Variants in INPP5A observed in about 807,000 individuals in gnomAD.
INPP5A encodes the protein inositol polyphosphate-5-phosphatase A.
A neutral mutation model predicts 65.2 loss-of-function variants in INPP5A; 14 were observed. That is an observed-to-expected ratio of 0.21 (90% confidence interval 0.14 to 0.34). The LOEUF (loss-of-function observed/expected upper bound fraction) is 0.34, where lower values mean the gene tolerates loss of function less well. Ranked by LOEUF, INPP5A falls within the 10% of genes least tolerant of loss-of-function variation. The pLI, the probability that INPP5A is intolerant of heterozygous loss-of-function variation, is 1.00. For synonymous variants in INPP5A, 207 were observed against 208.3 expected, an observed-to-expected ratio of 0.99 and a Z score of 0.05; for missense variants, 431 against 545.6, an observed-to-expected ratio of 0.79 and a Z score of 2.09.
chr10:132,553,824 A>G (rs1369243563), intron 1 of INPP5A, among the ~76,000 whole-genome samples: 29 of 114,852 alleles, frequency 2.5e-4, no homozygotes, highest in South Asian at 9.2e-4. Context: ...AATATTGGGT[A>G]GGATAGGGAG....
At chr10:132,552,527 G>T (rs4880414) in intron 1 of INPP5A, among the ~76,000 whole-genome samples, 4 of 110,014 alleles carry the variant, frequency 3.6e-5, no homozygotes, top group East Asian at 4.0e-4. Context: ...ATTGGTGAAC[G>T]CCTTCTCAGA....
chr10:132,660,940 C>G (rs192482384), intron 4 of INPP5A, among the ~76,000 whole-genome samples: 2 of 152,290 alleles, frequency 1.3e-5, no homozygotes, highest in East Asian at 3.9e-4. Context: ...AAGCCTAAAA[C>G]TAGGGCAGTG....
chr10:132,731,430 C>A lies in INPP5A; in HGVS notation c.732+4525C>A, dbSNP rs561901821. On this transcript the variant is annotated intron_variant, in intron 9 of 15. Coordinates refer to ENST00000368594, the MANE Select transcript of INPP5A (RefSeq NM_005539.5). ...CTGCGTCCCTCCTGCGTATCAGACG[C>A]CCCTGGGAGTGACCGCGTCCCTGCC... Among the ~76,000 whole-genome samples, 42 of 151,446 alleles carry A rather than the reference C, an allele frequency of 2.8e-4. No homozygotes were observed. In the South Asian group the frequency reaches 8.0e-3, roughly 29 times the overall value.
intron 12 of INPP5A, among the ~76,000 whole-genome samples, chr10:132,776,523 T>G (rs1366095244): frequency 2.6e-5 from 4 of 152,152 alleles, no homozygotes; most frequent in Non-Finnish European, 2.9e-5. Flanking sequence ...CAGATCCCAG[T>G]CGCGACAGGT....
chr10:132,723,497 G>GTGTGGGGATTGGCCA (rs1564984348), intron 8 of INPP5A, among the ~76,000 whole-genome samples: 3 of 127,304 alleles, frequency 2.4e-5, no homozygotes, highest in African/African-American at 7.4e-5. Flanking sequence ...GGGATTGGCC[G>GTGTGGGGATTGGCCA]TGTGGGGATT....
rs1285513946 is a variant in INPP5A, at chr10:132,549,770, C to A, written c.75+11599C>A. 2.0e-5 allele frequency among the ~76,000 whole-genome samples: 3 copies of A among 152,260 alleles called. No homozygotes were observed. The highest frequency in any genetic ancestry group is 7.2e-5 in the African/African-American group (3 of 41,474). On this transcript the variant is annotated intron_variant, in intron 1 of 15. Transcript: ENST00000368594. The surrounding 1 kb of genome is among the most constrained non-coding windows in gnomAD (Gnocchi z 4.9). ...AGCCTGGGTTCCTGCAGCCCCCACTCTCTGCCCCTGGTCTGAATGGTGGGG... is the reference window on the plus strand; with the variant it reads ...AGCCTGGGTTCCTGCAGCCCCCACTATCTGCCCCTGGTCTGAATGGTGGGG...
At chr10:132,568,185 G>A (rs572316628) in intron 1 of INPP5A, among the ~76,000 whole-genome samples, 5 of 112,620 alleles carry the variant, frequency 4.4e-5, no homozygotes, top group Admixed American at 1.1e-4. Context: ...GCAAGACTCC[G>A]TCTCAAAAAA....
At chr10:132,759,278 G>A (rs1846687586) in intron 11 of INPP5A, among the ~76,000 whole-genome samples, 1 of 152,190 alleles carries the variant, frequency 6.6e-6, no homozygotes, top group African/African-American at 2.4e-5. Context: ...GGGGTAGTGA[G>A]GGGTCCTCAG....
rs550940832 is a variant in INPP5A, at chr10:132,556,637, C to T, written c.75+18466C>T. Among the ~76,000 whole-genome samples, 6 of 152,348 alleles carry T rather than the reference C, an allele frequency of 3.9e-5. No individual in the cohort carries two copies. The South Asian group carries it at 6.2e-4, about 16-fold the overall frequency. Reference sequence around the variant, plus strand: ...TCATCACACACTCCCACCAGGCCGTCGGAGAGTCCCTGATATTCCACATCC... The same window carrying T: ...TCATCACACACTCCCACCAGGCCGTTGGAGAGTCCCTGATATTCCACATCC... On this transcript the variant is annotated intron_variant, in intron 1 of 15. Coordinates refer to ENST00000368594, the MANE Select transcript of INPP5A (RefSeq NM_005539.5).
chr10:132,539,701 C>T (rs1240586887), intron 1 of INPP5A, among the ~76,000 whole-genome samples: 1 of 152,084 alleles, frequency 6.6e-6, no homozygotes, highest in African/African-American at 2.4e-5. Flanking sequence ...CCCTCCCTCC[C>T]TCCCTAGGTG....
At chr10:132,640,266 T>A (rs1039789080) in intron 2 of INPP5A, among the ~76,000 whole-genome samples, 3 of 152,260 alleles carry the variant, frequency 2.0e-5, no homozygotes, top group African/African-American at 7.2e-5. Flanking sequence ...CCCACCTCAC[T>A]GCTCAGAGCC....
intron 2 of INPP5A, among the ~76,000 whole-genome samples, chr10:132,614,893 G>C (rs185311096): frequency 6.6e-6 from 1 of 152,254 alleles, no homozygotes; most frequent in Non-Finnish European, 1.5e-5. Context: ...GACCCTCCTC[G>C]TGGAATGGGC....
chr10:132,644,749 G>A lies in INPP5A; in HGVS notation c.118-1119G>A, dbSNP rs115551886. ...CTGTCGGGGCTTGCTCCTTGGAAGC[G>A]CTGCGCATCCTGTGTTCCAGGGGAG... On this transcript the variant is annotated intron_variant, in intron 2 of 15. Coordinates refer to ENST00000368594, the MANE Select transcript of INPP5A (RefSeq NM_005539.5). This position sits in a 1 kb window ranked among gnomAD's most constrained non-coding sequence, Gnocchi z 6.5. 3.9e-5 allele frequency among the ~76,000 whole-genome samples: 6 copies of A among 152,222 alleles called. No individual in the cohort carries two copies. Among genetic ancestry groups the A allele is most frequent in the Non-Finnish European group, 8.8e-5 (6 of 68,050 alleles).
intron 2 of INPP5A, among the ~76,000 whole-genome samples, chr10:132,618,663 C>G (rs1305757073): frequency 6.6e-6 from 1 of 152,044 alleles, no homozygotes; most frequent in African/African-American, 2.4e-5. Flanking sequence ...AATTCGCTCA[C>G]GGTTCGCAGG....
intron 1 of INPP5A, among the ~76,000 whole-genome samples, chr10:132,588,012 CAAAAAAAAAAA>C: frequency 1.8e-5 from 1 of 55,914 alleles, no homozygotes; most frequent in South Asian, 6.9e-4. Flanking sequence ...AACTCCATCT[CAAAAAAAAAAA>C]AAAAAAAAAA....
At chr10:132,718,970 G>A (rs1375096596) in intron 8 of INPP5A, among the ~76,000 whole-genome samples, 2 of 138,354 alleles carry the variant, frequency 1.4e-5, no homozygotes, top group African/African-American at 2.8e-5. Context: ...CGACTGTCTT[G>A]CGGGTTCTGT....
At chr10:132,720,949 G>A (rs529613933) in intron 8 of INPP5A, among the ~76,000 whole-genome samples, 4 of 142,634 alleles carry the variant, frequency 2.8e-5, no homozygotes, top group Non-Finnish European at 3.1e-5. Context: ...CTGTCTGGGC[G>A]CCTTAGACGG....
At chr10:132,732,651 G>A (rs535575650) in intron 9 of INPP5A, among the ~76,000 whole-genome samples, 1 of 152,318 alleles carries the variant, frequency 6.6e-6, no homozygotes, top group East Asian at 1.9e-4. Flanking sequence ...GCTGGGGGCC[G>A]TGAGGAGTCA....
chr10:132,708,984 A>G (rs1292899365), intron 7 of INPP5A, among the ~76,000 whole-genome samples: 3 of 152,016 alleles, frequency 2.0e-5, no homozygotes, highest in South Asian at 4.1e-4. Context: ...GGATTTTCCA[A>G]AACTTGGCTG....
Sources: gnomAD v4.1 joint callset for allele counts (sites outside exome capture counted in the v4.1 genomes callset) on GRCh38, gnomAD v4.1.1 for gene constraint, Gnocchi (gnomAD v3.1) non-coding constraint, MANE v1.5 for transcripts, NCBI Gene and HGNC (gene_info 2026-07-23, HGNC 2026-07-21) for gene names.